The following CUX1 variants were observed in gnomAD, a reference collection of about 807,000 sequenced individuals.
CUX1 encodes the protein cut like homeobox 1.
A neutral mutation model predicts 158.8 loss-of-function variants in CUX1; 31 were observed. The observed-to-expected ratio is 0.20, with a 90% CI of 0.15 to 0.26. CUX1 has a LOEUF of 0.26. Ranked by LOEUF, CUX1 falls within the 10% of genes least tolerant of loss-of-function variation. The pLI is 1.00. For synonymous variants in CUX1, 879 were observed against 862.1 expected (o/e 1.02, Z -0.34); for missense variants, 1,589 against 2,014.6 (o/e 0.79, Z 4.04).
rs782669518 is a variant in CUX1, at chr7:102,201,440, C to T, written c.2143C>T (p.Arg715Trp). ...AIRSILQQAR[R>W]EMEAQQAALD... ...CCGCTCCATCCTGCAGCAAGCCCGC[C>T]GGGAGATGGAGGCCCAGCAGGCTGC... is the stretch of plus-strand genomic sequence containing the variant. The change falls in exon 18 of 24, where the codon CGG (arginine) becomes TGG (tryptophan). Residue 715 changes from arginine to tryptophan, a missense_variant. This residue lies in a region of CUX1 where 337 missense variants were observed against 409.3 expected (regional missense o/e 0.82). Coordinates refer to ENST00000292535, the MANE Select transcript of CUX1 (RefSeq NM_181552.4). The surrounding 1 kb of genome is among the most constrained non-coding windows in gnomAD (Gnocchi z 5.0). 7.4e-6 allele frequency: 12 copies of T among 1,613,958 alleles called. No homozygotes were observed. Among genetic ancestry groups the T allele is most frequent in the Admixed American group, 6.7e-5 (4 of 60,004 alleles).
intron 3 of CUX1, among the ~76,000 whole-genome samples, chr7:102,029,084 C>T (rs183140920): frequency 0.028 from 4,253 of 150,310 alleles, 88 homozygotes; most frequent in Non-Finnish European, 0.034. Context: ...CCTCCGTCTC[C>T]CAGGTTCAAG....
At chr7:102,274,222 C>T (rs1377546282) in intron 15 of CUX1, 1 of 1,611,002 alleles carries the variant, frequency 6.2e-7, no homozygotes, top group Non-Finnish European at 8.5e-7. Flanking sequence ...GGCACCTCCT[C>T]ATCGCTTCCT....
intron 9 of CUX1, among the ~76,000 whole-genome samples, chr7:102,168,918 C>CTTTTCTTTTCTTTTA (rs1229252747): frequency 1.2e-5 from 1 of 84,136 alleles, no homozygotes; most frequent in Admixed American, 1.2e-4. Flanking sequence ...CTTTTATTTT[C>CTTTTCTTTTCTTTTA]TTTTCTTTTC....
At chr7:102,209,512 T>C (rs1277027831) in intron 20 of CUX1, among the ~76,000 whole-genome samples, 3 of 152,190 alleles carry the variant, frequency 2.0e-5, no homozygotes, top group Admixed American at 6.5e-5. Context: ...AAGAGACAAA[T>C]CTTCAGATCA....
chr7:101,909,316 C>T (rs991047510), intron 1 of CUX1, among the ~76,000 whole-genome samples: 13 of 151,014 alleles, frequency 8.6e-5, no homozygotes, highest in South Asian at 6.3e-4. Flanking sequence ...TTTGGGAGGC[C>T]GAGGTGGGAA....
intron 1 of CUX1, among the ~76,000 whole-genome samples, chr7:101,906,052 C>G (rs960294509): frequency 6.6e-6 from 1 of 151,512 alleles, no homozygotes; most frequent in Non-Finnish European, 1.5e-5. Context: ...TCTCAAAGTA[C>G]TGGGCTCAAG....
chr7:101,830,068 ATGCTGGGGCTATGCCCCTGGG>A (rs1482534726), intron 1 of CUX1, among the ~76,000 whole-genome samples: 1 of 152,132 alleles, frequency 6.6e-6, no homozygotes, highest in African/African-American at 2.4e-5. Flanking sequence ...TTCCTCTGAG[ATGCTGGGGCTATGCCCCTGGG>A]TGCTGGGGAG....
At chr7:102,120,052 G>T (rs1167794741) in intron 8 of CUX1, among the ~76,000 whole-genome samples, 1 of 152,128 alleles carries the variant, frequency 6.6e-6, no homozygotes, top group African/African-American at 2.4e-5. Flanking sequence ...CTGGAATCAC[G>T]CAGCAGTAGG....
At chr7:101,947,831 A>G (rs1808583015) in intron 2 of CUX1, among the ~76,000 whole-genome samples, 1 of 152,214 alleles carries the variant, frequency 6.6e-6, no homozygotes, top group Non-Finnish European at 1.5e-5. Context: ...AAGGATGAAG[A>G]CCAATTTTGA....
Position 102,256,887 on chromosome 7 carries a change from G to T in CUX1, c.*7845G>T, listed in dbSNP as rs782189220. On this transcript the variant is annotated 3_prime_UTR_variant, in exon 24 of 24. Transcript: ENST00000292535. Reference sequence around the variant, plus strand: ...GGTTTTTTGTTGTTGTTTTTCTTGCGTACAAAGTTGGTCAAAACCATCTTT... The same window carrying T: ...GGTTTTTTGTTGTTGTTTTTCTTGCTTACAAAGTTGGTCAAAACCATCTTT... The T allele has an allele frequency of 1.8e-4, 182 of 985,320 alleles. No individual in the cohort carries two copies. Among genetic ancestry groups the T allele is most frequent in the Non-Finnish European group, 2.1e-4 (174 of 829,974 alleles). The allele number at this position is 985,320 out of a possible 1,614,324, so 61.0% of individuals were successfully genotyped here. A position where few individuals can be genotyped will look rare whatever the true frequency, so the allele number is the denominator to read the frequency against.
intron 3 of CUX1, among the ~76,000 whole-genome samples, chr7:102,028,629 C>T (rs1249293096): frequency 6.6e-6 from 1 of 152,188 alleles, no homozygotes. Flanking sequence ...CAAGCCTAGG[C>T]TCAGTAGAAG....
At chr7:102,056,065 G>T (rs1449388603) in intron 3 of CUX1, among the ~76,000 whole-genome samples, 2 of 152,184 alleles carry the variant, frequency 1.3e-5, no homozygotes, top group African/African-American at 2.4e-5. Context: ...TGACAGAGGT[G>T]GGGAAGCTAC....
chr7:102,030,691 G>GTTTTTTTTTTTTTTTTTTTTGTTT (rs71119801), intron 3 of CUX1, among the ~76,000 whole-genome samples: 5 of 119,386 alleles, frequency 4.2e-5, no homozygotes, highest in African/African-American at 1.5e-4. Flanking sequence ...TTTAAAAAGT[G>GTTTTTTTTTTTTTTTTTTTTGTTT]TTTTTTTTTT....
In CUX1 at chr7:102,250,529, T is replaced by C; in HGVS notation, c.*1487T>C. On this transcript the variant is annotated 3_prime_UTR_variant, in exon 24 of 24. Coordinates refer to ENST00000292535, the MANE Select transcript of CUX1 (RefSeq NM_181552.4). ...CCTGTTGAACTCGTGGGAAACTTCCTTTCTCTGCAGGAGAGAGAACGTGGC... is the reference window on the plus strand; with the variant it reads ...CCTGTTGAACTCGTGGGAAACTTCCCTTCTCTGCAGGAGAGAGAACGTGGC... The C allele has an allele frequency of 1.0e-6, 1 of 985,480 alleles. No individual in the cohort carries two copies. The highest frequency in any genetic ancestry group is 5.2e-4 in the Middle Eastern group (1 of 1,916). 61.0% of individuals were successfully genotyped at this position (985,480 alleles called of 1,614,324 possible).
intron 11 of CUX1, among the ~76,000 whole-genome samples, chr7:102,181,510 A>C (rs1397187105): frequency 6.6e-6 from 1 of 152,206 alleles, no homozygotes; most frequent in Non-Finnish European, 1.5e-5. Flanking sequence ...TTAAGGTTTC[A>C]ATGTTTGCCT....
At chr7:101,849,417 G>A (rs914960837) in intron 1 of CUX1, among the ~76,000 whole-genome samples, 2 of 151,766 alleles carry the variant, frequency 1.3e-5, no homozygotes, top group African/African-American at 4.8e-5. Context: ...ACTTATAAGT[G>A]AGAACATGCA....
At chr7:102,155,596 A>G (rs1789666282) in intron 8 of CUX1, among the ~76,000 whole-genome samples, 1 of 151,170 alleles carries the variant, frequency 6.6e-6, no homozygotes, top group Non-Finnish European at 1.5e-5. Flanking sequence ...CCTTAAGTAA[A>G]GTTTGCAAGC....
At chr7:101,853,584 G>GGTGGGTGTGTGTGT (rs1796497174) in intron 1 of CUX1, among the ~76,000 whole-genome samples, 1 of 140,788 alleles carries the variant, frequency 7.1e-6, no homozygotes, top group African/African-American at 2.7e-5. Flanking sequence ...CAATAGAAAG[G>GGTGGGTGTGTGTGT]GTGTGTGTGT....
rs200925683 is a variant in CUX1 at position 102,196,926 on chromosome 7, G to C, written c.1515G>C (p.Met505Ile). The C allele has an allele frequency of 6.2e-7, 1 of 1,614,168 alleles. No individual in the cohort carries two copies. The highest frequency in any genetic ancestry group is 8.5e-7 in the Non-Finnish European group (1 of 1,180,036). The change falls in exon 15 of 24, where the codon ATG (methionine) becomes ATC (isoleucine). Residue 505 changes from methionine (M) to isoleucine (I), a missense_variant. Met to Ile is a conservative substitution (Grantham distance 10). Transcript: ENST00000292535. Reference protein sequence around the residue: ...KAMQEAGSTSMIFSTGPYSTN... With the variant: ...KAMQEAGSTSIIFSTGPYSTN... ...TGCAGGAAGCCGGAAGCACAAGCATGATTTTTTCAACAGGTCCATACAGCA... is the reference window on the plus strand; with the variant it reads ...TGCAGGAAGCCGGAAGCACAAGCATCATTTTTTCAACAGGTCCATACAGCA...
Sources: gnomAD v4.1 joint callset for allele counts (sites outside exome capture counted in the v4.1 genomes callset) on GRCh38, gnomAD v4.1.1 for gene constraint, gnomAD v4.1.1 regional missense constraint, Gnocchi (gnomAD v3.1) non-coding constraint, MANE v1.5 for transcripts, NCBI Gene and HGNC (gene_info 2026-07-23, HGNC 2026-07-21) for gene names.